The following PLIN2 variants were observed in gnomAD, a reference collection of about 807,000 sequenced individuals.
PLIN2 encodes perilipin-2.
A neutral mutation model predicts 30.6 loss-of-function variants in PLIN2; 33 were observed. The ratio of observed to expected loss-of-function variants is 1.08; its 90% CI spans 0.82 to 1.44. The LOEUF (loss-of-function observed/expected upper bound fraction) is 1.44, where lower values mean the gene tolerates loss of function less well. PLIN2 is among the 40% of genes most tolerant of loss of function. The probability of loss-of-function intolerance (pLI) is 0.00; values close to 1 mark genes in which losing one functional copy is unlikely to be tolerated. For synonymous variants in PLIN2, 205 were observed against 201.1 expected (o/e 1.02, Z -0.16); for missense variants, 610 against 531.8 (o/e 1.15, Z -1.45).
At chr9:19,110,149 G>A (rs72698305) in intron 2 of PLIN2, among the ~76,000 whole-genome samples, 6,091 of 151,466 alleles carry the variant, frequency 0.04, 175 homozygotes, top group Non-Finnish European at 0.057. Context: ...TCAGTTTCCC[G>A]AGTAACTGGG....
intron 2 of PLIN2, among the ~76,000 whole-genome samples, chr9:19,109,761 G>A (rs1240273957): frequency 6.6e-6 from 1 of 151,732 alleles, no homozygotes; most frequent in East Asian, 2.0e-4. Flanking sequence ...TTCGAGACCA[G>A]CCTGGCCAAC....
At chr9:19,118,241 C>T in intron 7 of PLIN2, 80 bp downstream of exon 7, 1 of 1,337,652 alleles carries the variant, frequency 7.5e-7, no homozygotes, top group East Asian at 2.4e-5. Flanking sequence ...TATTCTAAGA[C>T]ATAGTATGGA....
intron 2 of PLIN2, among the ~76,000 whole-genome samples, chr9:19,110,307 C>CATGAGCTACTGG (rs1409002739): frequency 1.3e-4 from 20 of 152,020 alleles, no homozygotes; most frequent in African/African-American, 4.8e-4. Flanking sequence ...GGATTACAGG[C>CATGAGCTACTGG]GTGAGCCACT....
chr9:19,122,496 C>T, intron 4 of PLIN2, among the ~76,000 whole-genome samples: 1 of 147,780 alleles, frequency 6.8e-6, no homozygotes, highest in South Asian at 2.2e-4. Context: ...TACCATATAG[C>T]CTAGGTATAT....
intron 5 of PLIN2, 96 bp downstream of exon 5, chr9:19,120,784 T>G (rs1818301559): frequency 3.1e-6 from 3 of 971,646 alleles, no homozygotes; most frequent in Non-Finnish European, 3.2e-6. Flanking sequence ...CTTGCACAAC[T>G]GTGTAAATTT....
chr9:19,113,436 A>G (rs558674243), downstream of PLIN2, among the ~76,000 whole-genome samples: 11 of 152,218 alleles, frequency 7.2e-5, no homozygotes, highest in African/African-American at 2.4e-4. Flanking sequence ...ATAAATCACA[A>G]AAGTCCATCC....
chr9:19,113,579 CTTTTT>C (rs371242536), downstream of PLIN2, among the ~76,000 whole-genome samples: 2 of 137,304 alleles, frequency 1.5e-5, no homozygotes, highest in Non-Finnish European at 3.2e-5. Context: ...TTGATAAAAA[CTTTTT>C]TTTTTTTTTT....
chr9:19,121,224 T>A, intron 4 of PLIN2, 59 bp from the exon 5 acceptor site: 1 of 1,475,706 alleles, frequency 6.8e-7, no homozygotes, highest in Non-Finnish European at 9.4e-7. Context: ...AGGACATACC[T>A]AAGGTCTTAA....
chr9:19,119,410 G>A (rs1279134246), intron 6 of PLIN2, among the ~76,000 whole-genome samples: 1 of 152,218 alleles, frequency 6.6e-6, no homozygotes, highest in Admixed American at 6.5e-5. Context: ...CATTTCCCGT[G>A]TGGCAGGACA....
At chr9:19,118,769 G>T (rs1032931089) in intron 6 of PLIN2, among the ~76,000 whole-genome samples, 1 of 152,196 alleles carries the variant, frequency 6.6e-6, no homozygotes, top group Admixed American at 6.5e-5. Flanking sequence ...CTGAAGTACA[G>T]TGGCGCGATC....
intron 3 of PLIN2, chr9:19,125,900 G>C: frequency 6.4e-6 from 3 of 468,750 alleles, no homozygotes; most frequent in Non-Finnish European, 7.6e-6. Flanking sequence ...TCCAGCCTGA[G>C]TGATAGAGTG....
At chr9:19,117,837 T>G (rs1818252908) in intron 7 of PLIN2, among the ~76,000 whole-genome samples, 1 of 152,028 alleles carries the variant, frequency 6.6e-6, no homozygotes, top group Non-Finnish European at 1.5e-5. Context: ...CAGGATGGTC[T>G]CGATCTCCTG....
At position 19,124,160 on chromosome 9, in the gene PLIN2, G is replaced by A. The variant is rs1818362433; in HGVS notation, c.227-513C>T. ...GGAAATATGGGGGTGTGAGGGAGGA[G>A]CAGGCAGAGGCAGTGACAGGCCAAA... is the stretch of plus-strand genomic sequence containing the variant. On this transcript the variant is annotated intron_variant, in intron 3 of 7. Transcript: ENST00000276914. Among the ~76,000 whole-genome samples, 4 of 152,112 alleles carry A rather than the reference G, an allele frequency of 2.6e-5. No individual in the cohort carries two copies. The South Asian group carries it at 8.3e-4, about 32-fold the overall frequency.
rs1818420710 is a variant in PLIN2 at position 19,127,459 on chromosome 9, A to C, written c.-63T>G. ...AAAGGCGAAGAGCAGGCGCGTCCCG[A>C]AGACGACTCCGGCTGCCACGACCCG... is the stretch of plus-strand genomic sequence containing the variant. On this transcript the variant is annotated 5_prime_UTR_variant, in exon 1 of 8. Transcript: ENST00000276914. The surrounding 1 kb of genome is among the most constrained non-coding windows in gnomAD (Gnocchi z 4.3). 1 of 152,162 alleles carries C rather than the reference A, an allele frequency of 6.6e-6. No individual in the cohort carries two copies. Among genetic ancestry groups the C allele is most frequent in the Non-Finnish European group, 1.5e-5 (1 of 68,048 alleles). 9.4% of individuals were successfully genotyped at this position (152,162 alleles called of 1,614,324 possible). A position where few individuals can be genotyped will look rare whatever the true frequency, so the allele number is the denominator to read the frequency against.
downstream of PLIN2, among the ~76,000 whole-genome samples, chr9:19,111,422 G>A (rs974094464): frequency 1.3e-5 from 2 of 152,154 alleles, no homozygotes; most frequent in Non-Finnish European, 1.5e-5. Flanking sequence ...TAGGCTGCCT[G>A]CCTCTCACCA....
At chr9:19,115,578 G>A (rs745676613), downstream of PLIN2, among the ~76,000 whole-genome samples, 2 of 151,854 alleles carry the variant, frequency 1.3e-5, no homozygotes, top group African/African-American at 4.8e-5. Context: ...AAGTGCTGGG[G>A]TTACAGGCAT....
At chr9:19,116,762 A>G in intron 7 of PLIN2, 113 bp from the exon 8 acceptor site, 1 of 819,414 alleles carries the variant, frequency 1.2e-6, no homozygotes, top group Non-Finnish European at 1.9e-6. Flanking sequence ...TTGGCTTTTA[A>G]AAATCCTCAT....
downstream of PLIN2, among the ~76,000 whole-genome samples, chr9:19,111,523 TAACCCTCACCAGTCCTA>T (rs1818159155): frequency 6.6e-6 from 1 of 152,154 alleles, no homozygotes; most frequent in South Asian, 2.1e-4. Flanking sequence ...TAGAAGTCCT[TAACCCTCACCAGTCCTA>T]AAAATACGAC....
rs1234899432 is a variant in PLIN2 at position 19,118,325 on chromosome 9, G to C, written c.908C>G (p.Ala303Gly). ...TGACCGTCCCAGTCATCTTACCTCA[G>C]CACAGTGGGACTCATCAGTATCATC... ...GYDDTDESHCAEHIESRTLAI... is the reference protein window; with the variant it reads ...GYDDTDESHCGEHIESRTLAI... The change falls in exon 7 of 8, where the codon GCT (alanine) becomes GGT (glycine). Residue 303 changes from alanine to glycine, a missense_variant. Coordinates refer to ENST00000276914, the MANE Select transcript of PLIN2 (RefSeq NM_001122.4). 1.2e-6 allele frequency: 2 copies of C among 1,607,092 alleles called. No individual in the cohort carries two copies. Among genetic ancestry groups the C allele is most frequent in the Admixed American group, 3.4e-5 (2 of 58,200 alleles).
Sources: allele counts gnomAD v4.1 joint callset (sites outside exome capture counted in the v4.1 genomes callset), GRCh38; gene constraint gnomAD v4.1.1; non-coding constraint Gnocchi (gnomAD v3.1); transcripts MANE v1.5; gene names NCBI Gene and HGNC (gene_info 2026-07-23, HGNC 2026-07-21).